Variants in CHN2 observed in about 807,000 individuals in gnomAD.
CHN2 encodes the protein chimerin 2.
In CHN2, 35 loss-of-function variants were observed where a neutral mutation model predicts 56.3. The ratio of observed to expected loss-of-function variants is 0.62; its 90% CI spans 0.47 to 0.82. The LOEUF (loss-of-function observed/expected upper bound fraction) is 0.82, where lower values mean the gene tolerates loss of function less well. Among genes scored for constraint, CHN2 ranks in the 40% least tolerant of loss-of-function variants. The pLI is 0.00. For missense variants in CHN2, 491 were observed against 580.5 expected, an observed-to-expected ratio of 0.85 and a Z score of 1.58; for synonymous variants, 210 against 212.8, an observed-to-expected ratio of 0.99 and a Z score of 0.12.
At chr7:29,472,900 T>G (rs1786227866) in intron 6 of CHN2, among the ~76,000 whole-genome samples, 1 of 152,236 alleles carries the variant, frequency 6.6e-6, no homozygotes, top group Non-Finnish European at 1.5e-5. Flanking sequence ...GCCACACATG[T>G]GGTGCCAGGG....
At chr7:29,286,252 G>A (rs185687281) in intron 1 of CHN2, among the ~76,000 whole-genome samples, 1 of 143,788 alleles carries the variant, frequency 7.0e-6, no homozygotes, top group Non-Finnish European at 1.5e-5. Context: ...CTTGGGAAAA[G>A]GTAAAGACTA....
At chr7:29,327,480 T>C (rs927152512) in intron 1 of CHN2, among the ~76,000 whole-genome samples, 1 of 152,228 alleles carries the variant, frequency 6.6e-6, no homozygotes, top group African/African-American at 2.4e-5. Context: ...AAATATTTTA[T>C]ATCTGGAGCG....
intron 2 of CHN2, among the ~76,000 whole-genome samples, chr7:29,148,878 G>A (rs956603348): frequency 6.6e-6 from 1 of 152,102 alleles, no homozygotes; most frequent in African/African-American, 2.4e-5. Context: ...AGAGGACAGG[G>A]ACCAAATGAC....
intron 3 of CHN2, among the ~76,000 whole-genome samples, chr7:29,373,220 G>A (rs551617818): frequency 4.6e-5 from 7 of 151,278 alleles, no homozygotes; most frequent in Admixed American, 4.6e-4. Context: ...TGTCGCCCCC[G>A]AGCTGGAGTG....
chr7:29,345,968 A>C (rs1797402685), intron 1 of CHN2, among the ~76,000 whole-genome samples: 1 of 152,132 alleles, frequency 6.6e-6, no homozygotes, highest in Non-Finnish European at 1.5e-5. Flanking sequence ...AGTTAGAAAA[A>C]TCCGTGCTAT....
At chr7:29,207,108 C>T (rs1014150622) in intron 1 of CHN2, among the ~76,000 whole-genome samples, 2 of 152,000 alleles carry the variant, frequency 1.3e-5, no homozygotes, top group Non-Finnish European at 2.9e-5. Context: ...GTAGGGTGTG[C>T]GATTTATAGC....
intron 6 of CHN2, among the ~76,000 whole-genome samples, chr7:29,473,193 G>A (rs1385641494): frequency 6.6e-6 from 1 of 152,206 alleles, no homozygotes; most frequent in Non-Finnish European, 1.5e-5. Context: ...GGTGTGGGGT[G>A]AGCATGAGCA....
chr7:29,252,586 T>TGTTTTGTTTTGTTTTG (rs1562866499), intron 1 of CHN2, among the ~76,000 whole-genome samples: 1 of 28,938 alleles, frequency 3.5e-5, no homozygotes, highest in Admixed American at 4.0e-4. Context: ...TTGTTTTTTT[T>TGTTTTGTTTTGTTTTG]TTTTTTTTTT....
intron 6 of CHN2, among the ~76,000 whole-genome samples, chr7:29,472,558 T>C (rs1425801351): frequency 6.6e-6 from 1 of 151,678 alleles, no homozygotes; most frequent in African/African-American, 2.4e-5. Flanking sequence ...ACCCCAGACA[T>C]ATGTTCAGGG....
chr7:29,421,104 T>A (rs1440513419), intron 6 of CHN2, among the ~76,000 whole-genome samples: 2 of 152,164 alleles, frequency 1.3e-5, no homozygotes, highest in African/African-American at 4.8e-5. Context: ...TATGGGTTTT[T>A]AAACCACAAC....
At chr7:29,339,927 A>G (rs1796915145) in intron 1 of CHN2, among the ~76,000 whole-genome samples, 1 of 152,124 alleles carries the variant, frequency 6.6e-6, no homozygotes, top group Admixed American at 6.6e-5. Context: ...TAATAAGGCT[A>G]TGTTGTGGAG....
At chr7:29,310,644 G>T (rs1161274519) in intron 1 of CHN2, among the ~76,000 whole-genome samples, 1 of 152,202 alleles carries the variant, frequency 6.6e-6, no homozygotes, top group Non-Finnish European at 1.5e-5. Context: ...CACAGAGTGG[G>T]TGGCTTATAA....
At chr7:29,464,132 A>G (rs6462141) in intron 6 of CHN2, among the ~76,000 whole-genome samples, 45,947 of 152,164 alleles carry the variant, frequency 0.3, 7,901 homozygotes, top group Non-Finnish European at 0.38. Context: ...AAGCATAGTT[A>G]CGATTAATCA....
At chr7:29,426,887 G>A (rs1804909915) in intron 6 of CHN2, among the ~76,000 whole-genome samples, 2 of 152,192 alleles carry the variant, frequency 1.3e-5, no homozygotes, top group Admixed American at 1.3e-4. Flanking sequence ...ATTGCTCCCG[G>A]TGGCTCCCAT....
At chr7:29,233,791 C>G (rs1786914121) in intron 1 of CHN2, among the ~76,000 whole-genome samples, 1 of 138,094 alleles carries the variant, frequency 7.2e-6, no homozygotes, top group African/African-American at 2.7e-5. Flanking sequence ...AATGGATTCT[C>G]TTTTCCCTAG....
intron 3 of CHN2, among the ~76,000 whole-genome samples, chr7:29,390,507 T>G (rs1801280418): frequency 6.6e-6 from 1 of 152,194 alleles, no homozygotes; most frequent in South Asian, 2.1e-4. Context: ...TCCATTCCTT[T>G]CTGAATCCAT....
Position 29,429,265 on chromosome 7 carries a change from A to G in CHN2, c.576+28437A>G, listed in dbSNP as rs922393119. Among the ~76,000 whole-genome samples the G allele has an allele frequency of 2.0e-5, 3 of 152,230 alleles. No homozygotes were observed. The East Asian group carries it at 5.8e-4, about 29-fold the overall frequency. On this transcript the variant is annotated intron_variant, in intron 6 of 12. Coordinates refer to ENST00000222792, the MANE Select transcript of CHN2 (RefSeq NM_004067.4). ...GCCCTAGTCATTTGGAAGTTGGCAG[A>G]CACTTATCTGAAATAGCTATGCATT... is the stretch of plus-strand genomic sequence containing the variant.
At chr7:29,286,223 T>C (rs1792136610) in intron 1 of CHN2, among the ~76,000 whole-genome samples, 1 of 151,422 alleles carries the variant, frequency 6.6e-6, no homozygotes, top group Non-Finnish European at 1.5e-5. Flanking sequence ...TTTTTTTTTT[T>C]TCCCCTTACT....
intron 6 of CHN2, among the ~76,000 whole-genome samples, chr7:29,427,644 A>C (rs1012634636): frequency 7.1e-6 from 1 of 140,600 alleles, no homozygotes; most frequent in Non-Finnish European, 1.5e-5. Flanking sequence ...GTTCAAGTGT[A>C]TATTTTTTAT....
Sources: allele counts gnomAD v4.1 joint callset (sites outside exome capture counted in the v4.1 genomes callset), GRCh38; gene constraint gnomAD v4.1.1; transcripts MANE v1.5; gene names NCBI Gene and HGNC (gene_info 2026-07-23, HGNC 2026-07-21).